CACNA2D3: variants seen among roughly 807,000 people sequenced by gnomAD.
CACNA2D3 encodes the protein calcium voltage-gated channel auxiliary subunit alpha2delta 3, also known as voltage-dependent calcium channel subunit alpha-2/delta-3.
Under a neutral mutation model 160.6 loss-of-function variants are expected in CACNA2D3, and 60 were observed. The observed-to-expected ratio is 0.37, with a 90% CI of 0.30 to 0.46. The LOEUF is 0.46. Ranked by LOEUF, CACNA2D3 falls within the 20% of genes least tolerant of loss-of-function variation. The pLI, the probability that CACNA2D3 is intolerant of heterozygous loss-of-function variation, is 1.00. For synonymous variants in CACNA2D3, 558 were observed against 492.9 expected, an observed-to-expected ratio of 1.13 and a Z score of -1.75; for missense variants, 1,205 against 1,365.0, an observed-to-expected ratio of 0.88 and a Z score of 1.85.
intron 29 of CACNA2D3, among the ~76,000 whole-genome samples, chr3:54,976,838 C>T (rs1009026181): frequency 1.3e-5 from 2 of 152,076 alleles, no homozygotes; most frequent in Non-Finnish European, 2.9e-5. Flanking sequence ...AGGGCAGACG[C>T]CTGAGAAGTG....
chr3:54,533,428 A>G (rs1451867084), intron 5 of CACNA2D3, among the ~76,000 whole-genome samples: 5 of 140,132 alleles, frequency 3.6e-5, no homozygotes, highest in African/African-American at 1.3e-4. Context: ...TCCATCTCCC[A>G]GGTTCAAGCG....
intron 4 of CACNA2D3, among the ~76,000 whole-genome samples, chr3:54,391,696 A>T (rs1011899704): frequency 1.3e-5 from 2 of 151,900 alleles, no homozygotes; most frequent in African/African-American, 4.8e-5. Flanking sequence ...TTTTTTGTGG[A>T]TACCGGGTTT....
chr3:55,033,574 ATGTG>A (rs201487813), intron 35 of CACNA2D3, among the ~76,000 whole-genome samples: 1 of 120,356 alleles, frequency 8.3e-6, no homozygotes, highest in Admixed American at 9.2e-5. Context: ...CGTGTCATTT[ATGTG>A]TGTGTGTATA....
chr3:54,837,330 G>T (rs1698715908), intron 15 of CACNA2D3, 100 bp downstream of exon 15: 10 of 906,276 alleles, frequency 1.1e-5, no homozygotes, highest in Non-Finnish European at 1.8e-5. Flanking sequence ...TTAAGCATAG[G>T]ATGTATGTCA....
At chr3:54,190,255 A>T (rs1034292775) in intron 2 of CACNA2D3, among the ~76,000 whole-genome samples, 3 of 152,250 alleles carry the variant, frequency 2.0e-5, no homozygotes, top group Non-Finnish European at 2.9e-5. Context: ...GGGCACACAC[A>T]CATTTAGGCC....
chr3:54,462,169 C>T (rs922032056), intron 4 of CACNA2D3, among the ~76,000 whole-genome samples: 33 of 152,204 alleles, frequency 2.2e-4, no homozygotes, highest in Non-Finnish European at 3.7e-4. Context: ...TGTTCTTTTA[C>T]ATTTGCTGAG....
intron 10 of CACNA2D3, among the ~76,000 whole-genome samples, chr3:54,628,269 T>C (rs1484620032): frequency 6.6e-6 from 1 of 152,176 alleles, no homozygotes; most frequent in African/African-American, 2.4e-5. Context: ...CAGCTCTGGC[T>C]GACACTGAGC....
intron 4 of CACNA2D3, among the ~76,000 whole-genome samples, chr3:54,408,742 G>A (rs928796748): frequency 6.6e-6 from 1 of 152,034 alleles, no homozygotes; most frequent in Non-Finnish European, 1.5e-5. Flanking sequence ...TTTGTCTTTT[G>A]GCAACTCTAA....
At chr3:55,011,165 C>T (rs574327181) in intron 34 of CACNA2D3, among the ~76,000 whole-genome samples, 2 of 152,340 alleles carry the variant, frequency 1.3e-5, no homozygotes, top group African/African-American at 4.8e-5. Flanking sequence ...ATAGTTTGCT[C>T]TCTGATAACT....
intron 5 of CACNA2D3, among the ~76,000 whole-genome samples, chr3:54,515,197 TGTGAGAGA>T (rs1300113271): frequency 9.9e-4 from 136 of 137,774 alleles, no homozygotes; most frequent in East Asian, 1.5e-3. Context: ...TGTGTGTGTG[TGTGAGAGA>T]GAGAGAGAGA....
At chr3:54,174,382 G>C (rs138368818) in intron 2 of CACNA2D3, among the ~76,000 whole-genome samples, 2 of 152,344 alleles carry the variant, frequency 1.3e-5, no homozygotes, top group Non-Finnish European at 2.9e-5. Flanking sequence ...AGACGGTTTT[G>C]AACGATTTGA....
At chr3:54,880,749 C>A in intron 20 of CACNA2D3, 47 bp from the exon 21 acceptor site, 1 of 1,473,552 alleles carries the variant, frequency 6.8e-7, no homozygotes, top group South Asian at 1.1e-5. Flanking sequence ...CAAGTCTATT[C>A]GAGTCGATGC....
At chr3:54,771,999 A>G (rs1431504989) in intron 13 of CACNA2D3, among the ~76,000 whole-genome samples, 1 of 152,052 alleles carries the variant, frequency 6.6e-6, no homozygotes, top group East Asian at 1.9e-4. Context: ...ATTTCTACTT[A>G]GCACTGATGT....
At chr3:54,476,781 T>C (rs1559492787) in intron 4 of CACNA2D3, among the ~76,000 whole-genome samples, 2 of 152,224 alleles carry the variant, frequency 1.3e-5, no homozygotes, top group African/African-American at 2.4e-5. Flanking sequence ...TGAGTTGATA[T>C]GAGTTTCTTA....
intron 11 of CACNA2D3, among the ~76,000 whole-genome samples, chr3:54,710,467 A>G (rs1376079940): frequency 6.6e-6 from 1 of 152,200 alleles, no homozygotes; most frequent in Non-Finnish European, 1.5e-5. Flanking sequence ...CGGTCTTGAC[A>G]GTTGTGGCAA....
chr3:54,627,140 A>G (rs149222087), intron 9 of CACNA2D3, among the ~76,000 whole-genome samples: 21 of 152,304 alleles, frequency 1.4e-4, no homozygotes, highest in Non-Finnish European at 2.5e-4. Context: ...TGTGTGTATT[A>G]CGCATGTGGT....
intron 31 of CACNA2D3, 93 bp downstream of exon 31, chr3:54,987,846 C>A: frequency 1.2e-6 from 1 of 865,686 alleles, no homozygotes. Flanking sequence ...CCAGACTTGA[C>A]CCTGTGGCTG....
Position 55,008,739 on chromosome 3 carries a change from C to T in CACNA2D3, c.2820-649C>T, listed in dbSNP as rs567724223. Among the ~76,000 whole-genome samples the T allele has an allele frequency of 9.2e-5, 14 of 152,190 alleles. No homozygotes were observed. In the East Asian group the frequency reaches 2.7e-3, roughly 29 times the overall value. ...GAATAGTAGCCATAAGCCTGAAAAACAAATGACCAAATTTTGATCTCTCTT... is the reference window on the plus strand; with the variant it reads ...GAATAGTAGCCATAAGCCTGAAAAATAAATGACCAAATTTTGATCTCTCTT... On this transcript the variant is annotated intron_variant, in intron 33 of 37. Coordinates refer to ENST00000474759, the MANE Select transcript of CACNA2D3 (RefSeq NM_018398.3).
intron 2 of CACNA2D3, among the ~76,000 whole-genome samples, chr3:54,204,666 CAT>C (rs1430347988): frequency 2.0e-5 from 3 of 151,810 alleles, no homozygotes; most frequent in Non-Finnish European, 4.4e-5. Context: ...TGTGGTGGCA[CAT>C]GCCTGTAATC....
Sources: gnomAD v4.1 joint callset for allele counts (sites outside exome capture counted in the v4.1 genomes callset) on GRCh38, gnomAD v4.1.1 for gene constraint, MANE v1.5 for transcripts, NCBI Gene and HGNC (gene_info 2026-07-23, HGNC 2026-07-21) for gene names.